The following CTNNA2 variants were observed in gnomAD, a reference collection of about 807,000 sequenced individuals.
CTNNA2 encodes catenin alpha 2.
In CTNNA2, 42 loss-of-function variants were observed where a neutral mutation model predicts 101.0. The observed-to-expected ratio is 0.42, with a 90% CI of 0.32 to 0.54. CTNNA2 has a LOEUF of 0.54. Among genes scored for constraint, CTNNA2 ranks in the 20% least tolerant of loss-of-function variants. CTNNA2 has a pLI of 0.14. For missense variants in CTNNA2, 871 were observed against 1,223.1 expected (o/e 0.71, Z 4.29); for synonymous variants, 450 against 456.4 (o/e 0.99, Z 0.18).
intron 7 of CTNNA2, among the ~76,000 whole-genome samples, chr2:79,934,599 G>C (rs1011414183): frequency 3.7e-4 from 56 of 152,180 alleles, no homozygotes; most frequent in African/African-American, 1.4e-3. Context: ...AGAAGTCTTT[G>C]AGCATCCCAA....
At chr2:79,746,726 C>T (rs77886856) in intron 3 of CTNNA2, among the ~76,000 whole-genome samples, 4,769 of 152,278 alleles carry the variant, frequency 0.031, 103 homozygotes, top group Non-Finnish European at 0.045. Context: ...CACATTTCTA[C>T]ACTTCCCAGC....
intron 18 of CTNNA2, among the ~76,000 whole-genome samples, chr2:80,627,910 CAA>C (rs1381268057): frequency 2.0e-5 from 3 of 152,090 alleles, no homozygotes; most frequent in African/African-American, 2.4e-5. Context: ...GCAACTTCAG[CAA>C]AGTCTCAGGG....
chr2:79,699,427 T>C (rs2104746537), intron 2 of CTNNA2, among the ~76,000 whole-genome samples: 1 of 152,144 alleles, frequency 6.6e-6, no homozygotes, highest in Non-Finnish European at 1.5e-5. Flanking sequence ...CTTAGTACAG[T>C]GTAAGGGCTT....
chr2:79,416,893 C>T (rs2104498119), intron 4 of CTNNA2, among the ~76,000 whole-genome samples: 1 of 152,210 alleles, frequency 6.6e-6, no homozygotes, highest in East Asian at 1.9e-4. Context: ...ATCTTCCCCT[C>T]TTAACTCTAA....
intron 12 of CTNNA2, among the ~76,000 whole-genome samples, chr2:80,568,897 G>A (rs971431919): frequency 5.3e-5 from 8 of 152,160 alleles, no homozygotes; most frequent in Admixed American, 3.9e-4. Flanking sequence ...GAACCATATA[G>A]GCAGATAATA....
intron 2 of CTNNA2, among the ~76,000 whole-genome samples, chr2:79,740,614 C>T (rs1416095288): frequency 6.6e-6 from 1 of 152,004 alleles, no homozygotes; most frequent in Non-Finnish European, 1.5e-5. Flanking sequence ...TAAATAATGC[C>T]TTTGAATGAA....
intron 2 of CTNNA2, among the ~76,000 whole-genome samples, chr2:79,264,895 C>T (rs372683360): frequency 1.0e-3 from 154 of 152,210 alleles, no homozygotes; most frequent in African/African-American, 3.5e-3. Flanking sequence ...GCTTTACATT[C>T]GAGACTGCCT....
chr2:79,643,189 CA>C (rs199675781), intron 1 of CTNNA2, among the ~76,000 whole-genome samples: 16 of 148,618 alleles, frequency 1.1e-4, no homozygotes, highest in Admixed American at 6.7e-4. Context: ...GGCTCCGTCT[CA>C]AAAAAAAAAT....
intron 1 of CTNNA2, among the ~76,000 whole-genome samples, chr2:79,588,075 G>A (rs903625738): frequency 6.6e-6 from 1 of 152,100 alleles, no homozygotes; most frequent in African/African-American, 2.4e-5. Context: ...CAGAAAGAAG[G>A]GCAGGAAGAT....
At chr2:80,230,466 C>A (rs555910318) in intron 7 of CTNNA2, among the ~76,000 whole-genome samples, 192 of 152,052 alleles carry the variant, frequency 1.3e-3, no homozygotes, top group Non-Finnish European at 2.2e-3. Context: ...ACTTTCTATG[C>A]CCTCATGTCT....
chr2:79,656,987 A>G (rs1681656175), intron 2 of CTNNA2, among the ~76,000 whole-genome samples: 1 of 151,922 alleles, frequency 6.6e-6, no homozygotes, highest in East Asian at 1.9e-4. Context: ...ATCAGTATAG[A>G]ATTTTAGCTT....
At chr2:80,280,521 G>A (rs1674294476) in intron 7 of CTNNA2, among the ~76,000 whole-genome samples, 1 of 151,618 alleles carries the variant, frequency 6.6e-6, no homozygotes. Context: ...GCTAACCTTG[G>A]ACCTCATACA....
chr2:79,266,197 C>G (rs1284869884), intron 2 of CTNNA2, among the ~76,000 whole-genome samples: 1 of 152,108 alleles, frequency 6.6e-6, no homozygotes, highest in Non-Finnish European at 1.5e-5. Context: ...TTTTGCATCT[C>G]TGGTTCCTAC....
chr2:79,577,016 C>G (rs1260882038), intron 1 of CTNNA2, among the ~76,000 whole-genome samples: 1 of 152,048 alleles, frequency 6.6e-6, no homozygotes, highest in East Asian at 1.9e-4. Context: ...TTTCTTTAAG[C>G]TTGTAACAGT....
At chr2:80,225,856 A>T (rs189171205) in intron 7 of CTNNA2, among the ~76,000 whole-genome samples, 1 of 152,158 alleles carries the variant, frequency 6.6e-6, no homozygotes, top group Non-Finnish European at 1.5e-5. Flanking sequence ...TTTCCTTTGG[A>T]TGTACTATTA....
chr2:79,634,109 T>C (rs1242782883), intron 1 of CTNNA2, among the ~76,000 whole-genome samples: 1 of 152,208 alleles, frequency 6.6e-6, no homozygotes, highest in Non-Finnish European at 1.5e-5. Context: ...AGGTGATTTA[T>C]CAAGAGAATA....
intron 2 of CTNNA2, among the ~76,000 whole-genome samples, chr2:79,205,662 T>C (rs1228914784): frequency 1.3e-5 from 2 of 152,184 alleles, no homozygotes; most frequent in African/African-American, 4.8e-5. Flanking sequence ...TCACAAAGCA[T>C]AGGTCCTCAT....
chr2:80,175,106 T>G (rs772422501), intron 7 of CTNNA2, among the ~76,000 whole-genome samples: 10 of 152,194 alleles, frequency 6.6e-5, no homozygotes, highest in Non-Finnish European at 1.3e-4. Context: ...CTTCTCTTGA[T>G]TTCTCTGGAT....
At chr2:79,982,197 T>TATATAC (rs1691329966) in intron 7 of CTNNA2, among the ~76,000 whole-genome samples, 1 of 12,118 alleles carries the variant, frequency 8.3e-5, no homozygotes, top group East Asian at 2.2e-3. Context: ...TGCCACTATA[T>TATATAC]ATATATATAT....
Sources: allele counts gnomAD v4.1 joint callset (sites outside exome capture counted in the v4.1 genomes callset), GRCh38; gene constraint gnomAD v4.1.1; transcripts MANE v1.5; gene names NCBI Gene and HGNC (gene_info 2026-07-23, HGNC 2026-07-21).